Variants in RTN1 observed in about 807,000 individuals in gnomAD.
RTN1 encodes the protein reticulon-1.
RTN1 carries 25 observed loss-of-function variants against 65.5 expected under a neutral mutation model. The ratio of observed to expected loss-of-function variants is 0.38; its 90% CI spans 0.28 to 0.53. The LOEUF (loss-of-function observed/expected upper bound fraction) is 0.53. Among genes scored for constraint, RTN1 ranks in the 20% least tolerant of loss-of-function variants. The pLI, the probability that RTN1 is intolerant of heterozygous loss-of-function variation, is 0.79. For synonymous variants in RTN1, 471 were observed against 447.6 expected, an observed-to-expected ratio of 1.05 and a Z score of -0.66; for missense variants, 983 against 1,025.4, an observed-to-expected ratio of 0.96 and a Z score of 0.57.
chr14:59,638,612 T>A (rs1030345329), intron 3 of RTN1, among the ~76,000 whole-genome samples: 1 of 152,234 alleles, frequency 6.6e-6, no homozygotes, highest in African/African-American at 2.4e-5. Context: ...CCCCTGGCAT[T>A]TTTTATGTCA....
chr14:59,675,876 A>G (rs1014354507), intron 3 of RTN1, among the ~76,000 whole-genome samples: 8 of 152,208 alleles, frequency 5.3e-5, no homozygotes, highest in African/African-American at 1.9e-4. Context: ...ACCAGCTATT[A>G]AGGGCATGAT....
intron 1 of RTN1, among the ~76,000 whole-genome samples, chr14:59,782,601 C>T (rs1033752750): frequency 7.9e-5 from 12 of 152,240 alleles, no homozygotes; most frequent in African/African-American, 2.2e-4. Context: ...AAGTCTCTTA[C>T]CTAATTAATT....
chr14:59,675,078 A>ACACACAC (rs1182138509), intron 3 of RTN1, among the ~76,000 whole-genome samples: 1 of 118,012 alleles, frequency 8.5e-6, no homozygotes, highest in African/African-American at 3.1e-5. Context: ...CACACACACA[A>ACACACAC]ACACACACAC....
chr14:59,597,426 G>A (rs7161094), intron 8 of RTN1, among the ~76,000 whole-genome samples: 79,831 of 152,148 alleles, frequency 0.52, 21,498 homozygotes, highest in East Asian at 0.84. Flanking sequence ...TGCTCACAAT[G>A]TAGCAGCATG....
chr14:59,600,242 C>T (rs73307632), intron 8 of RTN1, among the ~76,000 whole-genome samples: 4,218 of 152,076 alleles, frequency 0.028, 119 homozygotes, highest in African/African-American at 0.068. Flanking sequence ...CCCCATGAAC[C>T]GATCTCTAAG....
intron 1 of RTN1, among the ~76,000 whole-genome samples, chr14:59,756,283 A>C (rs1885635328): frequency 6.6e-6 from 1 of 152,174 alleles, no homozygotes; most frequent in Non-Finnish European, 1.5e-5. Context: ...TTTGAGAAAC[A>C]ATCTTTTTTA....
At chr14:59,638,813 A>G (rs1173716739) in intron 3 of RTN1, among the ~76,000 whole-genome samples, 1 of 152,248 alleles carries the variant, frequency 6.6e-6, no homozygotes, top group African/African-American at 2.4e-5. Context: ...AACTTTCTCC[A>G]TATCAGCAAT....
chr14:59,834,085 A>C (rs537337235), intron 1 of RTN1, among the ~76,000 whole-genome samples: 5 of 152,358 alleles, frequency 3.3e-5, no homozygotes, highest in South Asian at 2.1e-4. Context: ...CTGATTTTCA[A>C]TAAAGGCAAT....
At chr14:59,845,356 TAAC>T (rs921528768) in intron 1 of RTN1, among the ~76,000 whole-genome samples, 4 of 152,194 alleles carry the variant, frequency 2.6e-5, no homozygotes, top group African/African-American at 9.6e-5. Flanking sequence ...ACATCTCACT[TAAC>T]AACATCACTA....
chr14:59,666,982 A>G (rs1177446111), intron 3 of RTN1, among the ~76,000 whole-genome samples: 1 of 149,562 alleles, frequency 6.7e-6, no homozygotes, highest in Non-Finnish European at 1.5e-5. Context: ...AAAAAAAAAA[A>G]AAAAAGCCCA....
rs1160186767 is a variant in RTN1 at position 59,781,509 on chromosome 14, T to G, written c.242-35028A>C. On this transcript the variant is annotated intron_variant, in intron 1 of 8. Coordinates refer to ENST00000267484, the MANE Select transcript of RTN1 (RefSeq NM_021136.3). ...GCTCTAATTGGGATATAATTCTCAG[T>G]GTCTGCTATTTCTACTCAATGTTAC... Among the ~76,000 whole-genome samples, 3 of 152,178 alleles carry G rather than the reference T, an allele frequency of 2.0e-5. No homozygotes were observed. In the East Asian group the frequency reaches 5.9e-4, roughly 30 times the overall value.
chr14:59,856,668 C>T (rs1049945853), intron 1 of RTN1, among the ~76,000 whole-genome samples: 14 of 152,288 alleles, frequency 9.2e-5, no homozygotes, highest in Admixed American at 2.6e-4. Context: ...TCTCCACCCC[C>T]AATCCTTCCT....
intron 1 of RTN1, among the ~76,000 whole-genome samples, chr14:59,795,794 G>A (rs1886428846): frequency 6.6e-6 from 1 of 152,122 alleles, no homozygotes; most frequent in African/African-American, 2.4e-5. Flanking sequence ...AATTGTTGCT[G>A]ATTAATGTCA....
At position 59,803,639 on chromosome 14, in the gene RTN1, C is replaced by T. The variant is rs1422819953; in HGVS notation, c.242-57158G>A. ...CAAGAGGTAAAAGTATTAATGTGACCCACTTCTATTCATCATCCAGCTCTT... is the reference window on the plus strand; with the variant it reads ...CAAGAGGTAAAAGTATTAATGTGACTCACTTCTATTCATCATCCAGCTCTT... On this transcript the variant is annotated intron_variant, in intron 1 of 8. Transcript: ENST00000267484. The surrounding 1 kb of genome is among the most constrained non-coding windows in gnomAD (Gnocchi z 5.6). Among the ~76,000 whole-genome samples the T allele has an allele frequency of 1.3e-5, 2 of 152,078 alleles. No homozygotes were observed. The highest frequency in any genetic ancestry group is 2.9e-5 in the Non-Finnish European group (2 of 68,026).
intron 1 of RTN1, among the ~76,000 whole-genome samples, chr14:59,775,795 G>T (rs1303705816): frequency 6.6e-6 from 1 of 152,082 alleles, no homozygotes; most frequent in Non-Finnish European, 1.5e-5. Flanking sequence ...AACAATTGTG[G>T]ACTGGTCATC....
At position 59,815,357 on chromosome 14, in the gene RTN1, C is replaced by T. The variant is rs977162861; in HGVS notation, c.241+55033G>A. On this transcript the variant is annotated intron_variant, in intron 1 of 8. Coordinates refer to ENST00000267484, the MANE Select transcript of RTN1 (RefSeq NM_021136.3). The stretch of plus-strand genomic sequence containing the variant: ...GTGCAAGTGTCCCTGTGCACAGGAG[C>T]CCTCCTTCTATCACTTCCTTGGAGC... Among the ~76,000 whole-genome samples, 18 of 152,198 alleles carry T rather than the reference C, an allele frequency of 1.2e-4. 1 individual carries two copies. Among genetic ancestry groups the T allele is most frequent in the Admixed American group, 8.5e-4 (13 of 15,294 alleles).
intron 1 of RTN1, among the ~76,000 whole-genome samples, chr14:59,820,324 C>T: frequency 7.2e-6 from 1 of 139,074 alleles, no homozygotes; most frequent in South Asian, 2.3e-4. Flanking sequence ...TGAATACTTT[C>T]TCCCATTCTG....
At chr14:59,603,312 G>A (rs775717401) in intron 6 of RTN1, 54 bp from the exon 7 acceptor site, 10 of 1,325,468 alleles carry the variant, frequency 7.5e-6, no homozygotes, top group South Asian at 3.7e-5. Context: ...ATAAGAATAC[G>A]CTTATAGACA....
At position 59,609,472 on chromosome 14, in the gene RTN1, T is replaced by A. The variant is rs570244871; in HGVS notation, c.1766-1980A>T. 3.7e-4 allele frequency among the ~76,000 whole-genome samples: 57 copies of A among 152,294 alleles called. 1 individual carries two copies. The South Asian group carries it at 0.012, about 32-fold the overall frequency. ...TAGAATGAAGCACCAAAAGCCATAATCTTTTTCAGGTGGAGAAGAGGGATC... is the reference window on the plus strand; with the variant it reads ...TAGAATGAAGCACCAAAAGCCATAAACTTTTTCAGGTGGAGAAGAGGGATC... On this transcript the variant is annotated intron_variant, in intron 3 of 8. Coordinates refer to ENST00000267484, the MANE Select transcript of RTN1 (RefSeq NM_021136.3).
Sources: allele counts gnomAD v4.1 joint callset (sites outside exome capture counted in the v4.1 genomes callset), GRCh38; gene constraint gnomAD v4.1.1; non-coding constraint Gnocchi (gnomAD v3.1); transcripts MANE v1.5; gene names NCBI Gene and HGNC (gene_info 2026-07-23, HGNC 2026-07-21).